Variants in COLEC12 observed in about 807,000 individuals in gnomAD.
The protein encoded by COLEC12 is collectin subfamily member 12.
COLEC12 carries 33 observed loss-of-function variants against 71.1 expected under a neutral mutation model. The ratio of observed to expected loss-of-function variants is 0.46; its 90% confidence interval spans 0.35 to 0.62. COLEC12 has a LOEUF of 0.62. Ranked by LOEUF, COLEC12 falls within the 20% of genes least tolerant of loss-of-function variation. The probability of loss-of-function intolerance (pLI) is 0.00; values close to 1 mark genes in which losing one functional copy is unlikely to be tolerated. For missense variants in COLEC12, 765 were observed against 916.1 expected (o/e 0.84, Z 2.13); for synonymous variants, 350 against 353.0 (o/e 0.99, Z 0.10).
chr18:320,109 T>TA, intron 9 of COLEC12, 45 bp from the exon 10 acceptor site: 1 of 1,163,568 alleles, frequency 8.6e-7, no homozygotes, highest in Non-Finnish European at 1.3e-6. Context: ...TCTTAAATAA[T>TA]AAAGTTAATG....
intron 7 of COLEC12, among the ~76,000 whole-genome samples, chr18:331,983 G>A (rs533766394): frequency 1.3e-5 from 2 of 152,250 alleles, no homozygotes; most frequent in African/African-American, 4.8e-5. Context: ...CCTCTTACAA[G>A]TTTACAACGG....
At chr18:329,004 G>A (rs907633583) in intron 8 of COLEC12, among the ~76,000 whole-genome samples, 6 of 152,180 alleles carry the variant, frequency 3.9e-5, no homozygotes, top group African/African-American at 1.4e-4. Context: ...GGTGGAAAAC[G>A]AGAAGCACAG....
Position 498,353 on chromosome 18 carries a change from T to C in COLEC12, c.7+2155A>G, listed in dbSNP as rs191436759. On this transcript the variant is annotated intron_variant, in intron 1 of 9. Coordinates refer to ENST00000400256, the MANE Select transcript of COLEC12 (RefSeq NM_130386.3). ...ATTGGTAGGCAAAACTCTCATGGAATATTTTTTTTCTTTTTTTTTTTTTTA... is the reference window on the plus strand; with the variant it reads ...ATTGGTAGGCAAAACTCTCATGGAACATTTTTTTTCTTTTTTTTTTTTTTA... Among the ~76,000 whole-genome samples, 5 of 143,066 alleles carry C rather than the reference T, an allele frequency of 3.5e-5. No homozygotes were observed. In the East Asian group the frequency reaches 8.3e-4, roughly 24 times the overall value. 93.9% of individuals were successfully genotyped at this position (143,066 alleles called of 152,430 possible).
intron 2 of COLEC12, among the ~76,000 whole-genome samples, chr18:371,320 G>A (rs370211628): frequency 1.3e-4 from 20 of 152,176 alleles, no homozygotes; most frequent in Admixed American, 7.2e-4. Context: ...GTGATTATAT[G>A]TTTACTAAGC....
intron 5 of COLEC12, among the ~76,000 whole-genome samples, chr18:340,371 C>G (rs1914223041): frequency 6.6e-6 from 1 of 152,140 alleles, no homozygotes; most frequent in Non-Finnish European, 1.5e-5. Context: ...CCAAGCAGCC[C>G]GGGGTTTGTG....
chr18:400,011 T>C (rs1045339035), intron 2 of COLEC12, among the ~76,000 whole-genome samples: 11 of 152,116 alleles, frequency 7.2e-5, no homozygotes, highest in Non-Finnish European at 1.3e-4. Flanking sequence ...TCCCATGACA[T>C]AGTTTTTGCA....
chr18:411,899 A>C (rs1327709094), intron 2 of COLEC12, among the ~76,000 whole-genome samples: 3 of 152,268 alleles, frequency 2.0e-5, no homozygotes, highest in Admixed American at 2.0e-4. Flanking sequence ...CAAAACAGTA[A>C]AAATGACCAA....
chr18:366,564 A>G (rs1914860270), intron 2 of COLEC12, among the ~76,000 whole-genome samples: 1 of 152,176 alleles, frequency 6.6e-6, no homozygotes. Flanking sequence ...CTCCTTGTAC[A>G]GGCATGAGGG....
intron 6 of COLEC12, 79 bp from the exon 7 acceptor site, chr18:333,222 C>T: frequency 7.8e-7 from 1 of 1,282,514 alleles, no homozygotes; most frequent in Non-Finnish European, 1.1e-6. Context: ...GTTTCAGAGG[C>T]CAAAACTGTG....
chr18:402,875 G>A (rs774504106), intron 2 of COLEC12, among the ~76,000 whole-genome samples: 1 of 152,080 alleles, frequency 6.6e-6, no homozygotes, highest in Non-Finnish European at 1.5e-5. Flanking sequence ...CCCTGTTCCT[G>A]ACAATGAGCC....
intron 2 of COLEC12, among the ~76,000 whole-genome samples, chr18:366,362 G>A (rs1356073801): frequency 1.3e-5 from 2 of 152,194 alleles, no homozygotes; most frequent in Non-Finnish European, 2.9e-5. Context: ...ACAGGGCTCT[G>A]CTCATTTCCC....
At chr18:368,682 G>A (rs142819011) in intron 2 of COLEC12, among the ~76,000 whole-genome samples, 2 of 151,088 alleles carry the variant, frequency 1.3e-5, no homozygotes, top group South Asian at 2.1e-4. Flanking sequence ...GGCTAACATG[G>A]TGAAACCCCG....
At chr18:379,899 C>A (rs1351752711) in intron 2 of COLEC12, among the ~76,000 whole-genome samples, 1 of 152,042 alleles carries the variant, frequency 6.6e-6, no homozygotes, top group Non-Finnish European at 1.5e-5. Flanking sequence ...TAAGAAAGCA[C>A]CAGCACAAAA....
At chr18:358,226 T>C (rs9961482) in intron 2 of COLEC12, among the ~76,000 whole-genome samples, 34,633 of 152,134 alleles carry the variant, frequency 0.23, 4,353 homozygotes, top group Middle Eastern at 0.37. Flanking sequence ...CTAGATGGTA[T>C]AGACCAGCGG....
At chr18:330,626 T>C (rs1913952572) in intron 8 of COLEC12, among the ~76,000 whole-genome samples, 1 of 152,292 alleles carries the variant, frequency 6.6e-6, no homozygotes, top group South Asian at 2.1e-4. Context: ...CAGTCATTGT[T>C]AGATCTTTGG....
intron 2 of COLEC12, among the ~76,000 whole-genome samples, chr18:385,796 T>C (rs77150032): frequency 0.2 from 29,664 of 152,066 alleles, 3,113 homozygotes; most frequent in Middle Eastern, 0.29. Context: ...GCAAAGTACA[T>C]ACATGGAAGA....
At chr18:416,178 A>G (rs1915981816) in intron 2 of COLEC12, among the ~76,000 whole-genome samples, 1 of 152,194 alleles carries the variant, frequency 6.6e-6, no homozygotes, top group Non-Finnish European at 1.5e-5. Context: ...ATAACAATGC[A>G]AACCTGACAT....
intron 3 of COLEC12, among the ~76,000 whole-genome samples, chr18:352,880 A>G (rs1473477778): frequency 1.3e-5 from 2 of 152,222 alleles, no homozygotes; most frequent in African/African-American, 4.8e-5. Context: ...CCATTCTCAC[A>G]TGAGAAAAAT....
intron 2 of COLEC12, among the ~76,000 whole-genome samples, chr18:468,154 C>G (rs188752735): frequency 1.3e-5 from 2 of 150,850 alleles, no homozygotes; most frequent in East Asian, 3.9e-4. Context: ...CCCAGCTGCT[C>G]GGGAGGCTGA....
Sources: allele counts gnomAD v4.1 joint callset (sites outside exome capture counted in the v4.1 genomes callset), GRCh38; gene constraint gnomAD v4.1.1; transcripts MANE v1.5; gene names NCBI Gene and HGNC (gene_info 2026-07-23, HGNC 2026-07-21).